SESN1: variants seen among roughly 807,000 people sequenced by gnomAD.
The protein encoded by SESN1 is sestrin-1.
A neutral mutation model predicts 59.3 loss-of-function variants in SESN1; 30 were observed. The observed-to-expected ratio is 0.51, with a 90% CI of 0.38 to 0.69. The LOEUF is 0.69. Ranked by LOEUF, SESN1 falls within the 30% of genes least tolerant of loss-of-function variation. The pLI, the probability that SESN1 is intolerant of heterozygous loss-of-function variation, is 0.00. For missense variants in SESN1, 566 were observed against 673.0 expected, an observed-to-expected ratio of 0.84 and a Z score of 1.76; for synonymous variants, 197 against 219.9, an observed-to-expected ratio of 0.90 and a Z score of 0.92.
chr6:109,033,607 T>G (rs1418421063), intron 1 of SESN1, among the ~76,000 whole-genome samples: 1 of 152,164 alleles, frequency 6.6e-6, no homozygotes, highest in Non-Finnish European at 1.5e-5. Context: ...GAGATCTAGA[T>G]TGCAACCCCA....
Position 109,068,849 on chromosome 6 carries a change from T to C in SESN1, c.279+24946A>G, listed in dbSNP as rs534385200. On this transcript the variant is annotated intron_variant, in intron 1 of 9. Coordinates refer to ENST00000436639, the MANE Select transcript of SESN1 (RefSeq NM_014454.3). ...AATTCTCCTGCCTCTGCCTCCCAAG[T>C]AGCTGGGATTACAGGCACCTACCAC... Among the ~76,000 whole-genome samples, 6 of 151,936 alleles carry C rather than the reference T, an allele frequency of 3.9e-5. No homozygotes were observed. The East Asian group carries it at 1.2e-3, about 30-fold the overall frequency.
At chr6:109,025,375 GAAAT>G (rs1173685541) in intron 1 of SESN1, among the ~76,000 whole-genome samples, 2 of 151,576 alleles carry the variant, frequency 1.3e-5, no homozygotes, top group East Asian at 1.9e-4. Context: ...GTTCCAGTTA[GAAAT>G]AAATAGAGAT....
chr6:108,988,297 T>C (rs1216008098), intron 9 of SESN1: 1 of 349,588 alleles, frequency 2.9e-6, no homozygotes, highest in Non-Finnish European at 5.1e-6. Context: ...CAGTCTTCTA[T>C]GTGCTGACAG....
At chr6:109,079,071 AC>A (rs1781076866) in intron 1 of SESN1, among the ~76,000 whole-genome samples, 1 of 152,230 alleles carries the variant, frequency 6.6e-6, no homozygotes, top group South Asian at 2.1e-4. Context: ...CGGAATAATT[AC>A]CACTAAGAGA....
intron 1 of SESN1, among the ~76,000 whole-genome samples, chr6:109,007,289 G>A (rs1779752587): frequency 6.6e-6 from 1 of 152,176 alleles, no homozygotes; most frequent in East Asian, 1.9e-4. Context: ...GTTCCAGTCA[G>A]ATGTTTCAAA....
At chr6:108,991,030 A>C (rs1038835167) in intron 7 of SESN1, among the ~76,000 whole-genome samples, 195 bp from the exon 8 acceptor site, 1 of 150,676 alleles carries the variant, frequency 6.6e-6, no homozygotes, top group African/African-American at 2.4e-5. Context: ...GTTGTGTTTT[A>C]TAACTCAGTG....
chr6:109,052,615 A>G (rs1780558988), intron 1 of SESN1, among the ~76,000 whole-genome samples: 1 of 152,216 alleles, frequency 6.6e-6, no homozygotes, highest in African/African-American at 2.4e-5. Flanking sequence ...TAAATGTTAT[A>G]TTTAAACATT....
At chr6:108,991,228 A>AGT (rs112709389) in intron 7 of SESN1, among the ~76,000 whole-genome samples, 7,686 of 148,108 alleles carry the variant, frequency 0.052, 214 homozygotes, top group Non-Finnish European at 0.056. Flanking sequence ...TCAAATTATG[A>AGT]GTGTGTGTGT....
chr6:109,008,521 G>A (rs1779782171), intron 1 of SESN1, among the ~76,000 whole-genome samples: 3 of 152,160 alleles, frequency 2.0e-5, no homozygotes. Context: ...ATAGTATACT[G>A]ATAATAGACT....
intron 1 of SESN1, among the ~76,000 whole-genome samples, chr6:109,042,540 A>AC (rs1197988211): frequency 6.6e-6 from 1 of 151,668 alleles, no homozygotes. Flanking sequence ...CGAAAAAAAA[A>AC]AAACAAACCT....
intron 1 of SESN1, among the ~76,000 whole-genome samples, chr6:109,080,184 A>G (rs1781097200): frequency 2.6e-5 from 4 of 152,160 alleles, no homozygotes. Context: ...CAGCACTGCA[A>G]ACGTTAGGGT....
At chr6:109,009,310 C>T in intron 1 of SESN1, 1 of 1,425,522 alleles carries the variant, frequency 7.0e-7, no homozygotes, top group Non-Finnish European at 9.2e-7. Flanking sequence ...CGGCCGGGTG[C>T]CCACCCGCCC....
At chr6:109,002,162 C>G in intron 2 of SESN1, 116 bp downstream of exon 2, 1 of 830,776 alleles carries the variant, frequency 1.2e-6, no homozygotes, top group Non-Finnish European at 2.0e-6. Flanking sequence ...TTAACTGCAA[C>G]CAACTCTGAC....
chr6:109,011,697 C>T (rs1779860676), intron 1 of SESN1, among the ~76,000 whole-genome samples: 1 of 150,402 alleles, frequency 6.6e-6, no homozygotes, highest in Non-Finnish European at 1.5e-5. Context: ...GGCATTATCA[C>T]AGTTCACTGC....
chr6:109,052,980 G>T (rs559066700), intron 1 of SESN1, among the ~76,000 whole-genome samples: 1 of 152,214 alleles, frequency 6.6e-6, no homozygotes, highest in South Asian at 2.1e-4. Context: ...AGTTGTAAAT[G>T]TTAGGAATAA....
chr6:109,028,120 C>A (rs1780123918), intron 1 of SESN1, among the ~76,000 whole-genome samples: 1 of 151,546 alleles, frequency 6.6e-6, no homozygotes, highest in African/African-American at 2.4e-5. Flanking sequence ...AGATAAGAAA[C>A]CTTTGCCTAC....
chr6:109,063,352 G>T lies in SESN1; in HGVS notation c.279+30443C>A, dbSNP rs550918230. Among the ~76,000 whole-genome samples, 16 of 152,248 alleles carry T rather than the reference G, an allele frequency of 1.1e-4. No individual in the cohort carries two copies. The South Asian group carries it at 3.3e-3, about 32-fold the overall frequency. ...AAGCCTGCCCTTGGGCAGGGGGTTG[G>T]GGGGAAGGCCAGTAGGCTGCATAGA... On this transcript the variant is annotated intron_variant, in intron 1 of 9. Transcript: ENST00000436639.
intron 1 of SESN1, among the ~76,000 whole-genome samples, chr6:109,056,742 T>C (rs1417906644): frequency 6.6e-6 from 1 of 152,168 alleles, no homozygotes; most frequent in Non-Finnish European, 1.5e-5. Context: ...ATATTTGTGA[T>C]GTGTAGGAGG....
At chr6:108,993,233 T>C (rs1031072862) in intron 6 of SESN1, among the ~76,000 whole-genome samples, 1 of 152,202 alleles carries the variant, frequency 6.6e-6, no homozygotes, top group Admixed American at 6.5e-5. Context: ...ATTTTTAAGA[T>C]AACTACAAAA....
Sources: gnomAD v4.1 joint callset for allele counts (sites outside exome capture counted in the v4.1 genomes callset) on GRCh38, gnomAD v4.1.1 for gene constraint, MANE v1.5 for transcripts, NCBI Gene and HGNC (gene_info 2026-07-23, HGNC 2026-07-21) for gene names.